Variants in SCARB1 observed in about 807,000 individuals in gnomAD.
The protein encoded by SCARB1 is CD36 and LIMPII analogous 1.
A neutral mutation model predicts 57.2 loss-of-function variants in SCARB1; 30 were observed. The observed-to-expected ratio is 0.52, with a 90% confidence interval of 0.39 to 0.71. The LOEUF is 0.71. SCARB1 is among the 30% of genes least tolerant of loss of function. The probability of loss-of-function intolerance (pLI) is 0.00; values close to 1 mark genes in which losing one functional copy is unlikely to be tolerated. For synonymous variants in SCARB1, 249 were observed against 268.3 expected (o/e 0.93, Z 0.70); for missense variants, 543 against 671.2 (o/e 0.81, Z 2.11).
rs751116119 is a variant in SCARB1, at chr12:124,810,313, A to AC, written c.727-25dup. 1 of 1,544,874 alleles carries AC rather than the reference A, an allele frequency of 6.5e-7. No homozygotes were observed. The highest frequency in any genetic ancestry group is 9.0e-7 in the Non-Finnish European group (1 of 1,117,226). On this transcript the variant is annotated intron_variant, in intron 5 of 12. Coordinates refer to ENST00000261693, the MANE Select transcript of SCARB1 (RefSeq NM_005505.5). The surrounding 1 kb of genome is among the most constrained non-coding windows in gnomAD (Gnocchi z 4.0). Reference sequence around the variant, plus strand: ...ACCTGGGGGGAAGCATCCAGACTAGACCCCTCAGTAGGGCCAAGGCCCCTT... The same window carrying AC: ...ACCTGGGGGGAAGCATCCAGACTAGACCCCCTCAGTAGGGCCAAGGCCCCTT...
At chr12:124,803,012 G>A (rs1428464627) in intron 7 of SCARB1, among the ~76,000 whole-genome samples, 2 of 152,208 alleles carry the variant, frequency 1.3e-5, no homozygotes, top group African/African-American at 2.4e-5. Context: ...TGGCACCCAC[G>A]ATGGAACACC....
chr12:124,807,622 CG>C lies in SCARB1; in HGVS notation c.1009+138del, dbSNP rs1332813559. ...TCTTCCTTTTCAGATTATCTTCCTG[CG>C]GCCTCATTATCTTCGCCTAATGGGA... On this transcript the variant is annotated intron_variant, in intron 7 of 12. Coordinates refer to ENST00000261693, the MANE Select transcript of SCARB1 (RefSeq NM_005505.5). This position sits in a 1 kb window ranked among gnomAD's most constrained non-coding sequence, Gnocchi z 5.3. 6.2e-5 allele frequency: 49 copies of C among 787,032 alleles called. No individual in the cohort carries two copies. Among genetic ancestry groups the C allele is most frequent in the Non-Finnish European group, 9.2e-5 (45 of 489,698 alleles). 48.8% of individuals were successfully genotyped at this position (787,032 alleles called of 1,614,324 possible). A position where few individuals can be genotyped will look rare whatever the true frequency, so the allele number is the denominator to read the frequency against.
intron 1 of SCARB1, among the ~76,000 whole-genome samples, chr12:124,859,657 C>A (rs572012503): frequency 2.0e-5 from 3 of 152,294 alleles, no homozygotes; most frequent in African/African-American, 7.2e-5. Context: ...CAAACTTTAA[C>A]ATATTCTAAT....
At chr12:124,795,333 C>T in intron 8 of SCARB1, 65 bp from the exon 9 acceptor site, 1 of 1,323,702 alleles carries the variant, frequency 7.6e-7, no homozygotes, top group Non-Finnish European at 1.1e-6. Context: ...GTCAACCCTC[C>T]TCTCCCTGGT....
At chr12:124,830,437 T>C (rs4765617) in intron 1 of SCARB1, among the ~76,000 whole-genome samples, 99,616 of 152,084 alleles carry the variant, frequency 0.66, 33,375 homozygotes, top group African/African-American at 0.79. Context: ...ACAACACAAA[T>C]GTCTACAAGC....
intron 11 of SCARB1, chr12:124,785,036 C>T (rs1420490090): frequency 6.6e-6 from 1 of 152,406 alleles, no homozygotes; most frequent in Non-Finnish European, 1.5e-5. Flanking sequence ...GTTATCACCC[C>T]TCTTCCTGCT....
intron 1 of SCARB1, among the ~76,000 whole-genome samples, chr12:124,849,565 G>T (rs1043961875): frequency 1.3e-5 from 2 of 152,218 alleles, no homozygotes; most frequent in Non-Finnish European, 2.9e-5. Context: ...CACCCTTGCT[G>T]CCCGGGCCCT....
At chr12:124,820,851 G>A (rs1950930629) in intron 1 of SCARB1, among the ~76,000 whole-genome samples, 1 of 152,160 alleles carries the variant, frequency 6.6e-6, no homozygotes, top group African/African-American at 2.4e-5. Context: ...TCAGGGGCGG[G>A]TTTCCCGGTG....
chr12:124,813,117 C>A (rs1009532547), intron 4 of SCARB1, among the ~76,000 whole-genome samples: 1 of 152,132 alleles, frequency 6.6e-6, no homozygotes, highest in Non-Finnish European at 1.5e-5. Flanking sequence ...ATCAGCACAC[C>A]CAGCTAAAAG....
At chr12:124,848,163 A>G (rs1952239784) in intron 1 of SCARB1, among the ~76,000 whole-genome samples, 1 of 152,176 alleles carries the variant, frequency 6.6e-6, no homozygotes. Flanking sequence ...GGCTCACTGC[A>G]ACCTCCGCCT....
At chr12:124,846,770 T>A (rs1397594310) in intron 1 of SCARB1, among the ~76,000 whole-genome samples, 1 of 139,512 alleles carries the variant, frequency 7.2e-6, no homozygotes, top group East Asian at 2.4e-4. Context: ...ACAGATGAAC[T>A]GTGATACTCA....
intron 1 of SCARB1, among the ~76,000 whole-genome samples, chr12:124,835,918 G>A (rs1391751520): frequency 3.3e-5 from 5 of 152,162 alleles, no homozygotes; most frequent in Non-Finnish European, 5.9e-5. Flanking sequence ...AGCTTGCAAC[G>A]GGCCCCACCA....
chr12:124,821,532 A>G, intron 1 of SCARB1: 1 of 985,038 alleles, frequency 1.0e-6, no homozygotes, highest in Non-Finnish European at 1.2e-6. Flanking sequence ...CCTGGGTTTC[A>G]GCCCATTCAT....
At chr12:124,780,278 C>G (rs755945106) in intron 12 of SCARB1, among the ~76,000 whole-genome samples, 1 of 152,036 alleles carries the variant, frequency 6.6e-6, no homozygotes, top group Non-Finnish European at 1.5e-5. Context: ...TGAAGGGTTA[C>G]AGACCAGTGG....
chr12:124,809,118 G>C (rs991261952), intron 6 of SCARB1, among the ~76,000 whole-genome samples: 1 of 151,966 alleles, frequency 6.6e-6, no homozygotes, highest in Non-Finnish European at 1.5e-5. Flanking sequence ...CACCCACTGA[G>C]TATTTGGAGG....
chr12:124,826,443 G>C, intron 1 of SCARB1, among the ~76,000 whole-genome samples: 1 of 151,484 alleles, frequency 6.6e-6, no homozygotes, highest in East Asian at 1.9e-4. Flanking sequence ...GCATTTGGAT[G>C]CCTTAAATAT....
rs374322109 is a variant in SCARB1 at position 124,811,992 on chromosome 12, G to C, written c.631-27C>G. The C allele has an allele frequency of 1.2e-5, 18 of 1,561,874 alleles. No homozygotes were observed. The African/African-American group carries it at 2.4e-4, about 21-fold the overall frequency. On this transcript the variant is annotated intron_variant, in intron 4 of 12. Coordinates refer to ENST00000261693, the MANE Select transcript of SCARB1 (RefSeq NM_005505.5). The stretch of plus-strand genomic sequence containing the variant: ...TACAGACACAGCAGGGAACAGCATC[G>C]TAAGGCTTAGGCCTGCCATTGAGCC...
chr12:124,790,616 T>C (rs1192285887), intron 9 of SCARB1, among the ~76,000 whole-genome samples: 4 of 152,162 alleles, frequency 2.6e-5, no homozygotes, highest in Non-Finnish European at 5.9e-5. Flanking sequence ...GTGGCAAAAT[T>C]GTGACAGCAG....
Position 124,813,689 on chromosome 12 carries a change from C to T in SCARB1, c.630+513G>A, listed in dbSNP as rs1252426215. ...ACTGAGTATCTATCACACGCAGCAC[C>T]ACGATATCCCCCCCAGCACTCTACC... On this transcript the variant is annotated intron_variant, in intron 4 of 12. Transcript: ENST00000261693. Among the ~76,000 whole-genome samples, 3 of 152,206 alleles carry T rather than the reference C, an allele frequency of 2.0e-5. No homozygotes were observed. The East Asian group carries it at 5.8e-4, about 29-fold the overall frequency.
Sources: gnomAD v4.1 joint callset for allele counts (sites outside exome capture counted in the v4.1 genomes callset) on GRCh38, gnomAD v4.1.1 for gene constraint, Gnocchi (gnomAD v3.1) non-coding constraint, MANE v1.5 for transcripts, NCBI Gene and HGNC (gene_info 2026-07-23, HGNC 2026-07-21) for gene names.